Variants in NCAM1 observed in about 807,000 individuals in gnomAD.
The protein encoded by NCAM1 is neural cell adhesion molecule 1, also known as antigen recognized by monoclonal antibody 5.1H11.
Under a neutral mutation model 109.8 loss-of-function variants are expected in NCAM1, and 14 were observed. The ratio of observed to expected loss-of-function variants is 0.13; its 90% CI spans 0.08 to 0.20. NCAM1 has a LOEUF of 0.20. Among genes scored for constraint, NCAM1 ranks in the 10% least tolerant of loss-of-function variants. The pLI, the probability that NCAM1 is intolerant of heterozygous loss-of-function variation, is 1.00. For missense variants in NCAM1, 774 were observed against 1,109.9 expected (o/e 0.70, Z 4.30); for synonymous variants, 418 against 442.9 (o/e 0.94, Z 0.70).
At chr11:113,240,605 G>A (rs1945292310) in intron 14 of NCAM1, 1 of 634,344 alleles carries the variant, frequency 1.6e-6, no homozygotes, top group Non-Finnish European at 2.8e-6. Context: ...TGACGTTAGA[G>A]AGAGCCCTGC....
chr11:113,159,570 A>C (rs2136335969), intron 1 of NCAM1, among the ~76,000 whole-genome samples: 1 of 152,284 alleles, frequency 6.6e-6, no homozygotes, highest in South Asian at 2.1e-4. Flanking sequence ...GAATTAAACT[A>C]TCCTTTCAGA....
rs530674978 is a variant in NCAM1 at position 113,004,501 on chromosome 11, A to AAT, written c.52+42837_52+42838insAT. On this transcript the variant is annotated intron_variant, in intron 1 of 19. Transcript: ENST00000316851. Reference sequence around the variant, plus strand: ...AGCAAGATTTCATCTCAAAAAAAAAATTTTTTTTTTTTGCCAGGATGAGGA... The same window carrying AAT: ...AGCAAGATTTCATCTCAAAAAAAAAAATTTTTTTTTTTTTGCCAGGATGAGGA... 3.0e-4 allele frequency among the ~76,000 whole-genome samples: 44 copies of AAT among 147,128 alleles called. 1 individual carries two copies. Among genetic ancestry groups the AAT allele is most frequent in the African/African-American group, 4.2e-4 (17 of 40,192 alleles).
At chr11:113,144,783 G>C (rs1251809443) in intron 1 of NCAM1, among the ~76,000 whole-genome samples, 1 of 152,196 alleles carries the variant, frequency 6.6e-6, no homozygotes, top group African/African-American at 2.4e-5. Context: ...ATGTGTCAAA[G>C]AGTAGTAAAA....
intron 1 of NCAM1, among the ~76,000 whole-genome samples, chr11:113,070,300 G>C (rs1938201110): frequency 6.6e-6 from 1 of 152,142 alleles, no homozygotes; most frequent in Non-Finnish European, 1.5e-5. Context: ...AGCAAGAAGA[G>C]TGATGTGATA....
chr11:113,044,391 A>G (rs906723502), intron 1 of NCAM1, among the ~76,000 whole-genome samples: 4 of 152,242 alleles, frequency 2.6e-5, no homozygotes, highest in Non-Finnish European at 5.9e-5. Context: ...ATGCTGTAAA[A>G]CATGATTTGT....
intron 1 of NCAM1, among the ~76,000 whole-genome samples, chr11:113,081,534 TATC>T (rs1938818166): frequency 6.7e-6 from 1 of 149,620 alleles, no homozygotes; most frequent in South Asian, 2.1e-4. Context: ...AAATACTTTT[TATC>T]TTTTCTTTTT....
chr11:113,263,446 A>C (rs1946062655), intron 17 of NCAM1: 1 of 986,128 alleles, frequency 1.0e-6, no homozygotes. Context: ...GACCGCACTG[A>C]TTCACATGAG....
chr11:113,224,742 A>G (rs35246759), intron 9 of NCAM1, among the ~76,000 whole-genome samples: 4,245 of 152,310 alleles, frequency 0.028, 86 homozygotes, highest in Non-Finnish European at 0.042. Flanking sequence ...AAATTTCCAG[A>G]GGAACGATCA....
intron 1 of NCAM1, among the ~76,000 whole-genome samples, chr11:113,032,557 G>A (rs561915565): frequency 1.3e-5 from 2 of 152,350 alleles, no homozygotes; most frequent in South Asian, 4.2e-4. Context: ...ACCTGCAAGG[G>A]AGCCTGCAGA....
At chr11:112,968,996 T>C (rs1950802108) in intron 1 of NCAM1, among the ~76,000 whole-genome samples, 1 of 152,134 alleles carries the variant, frequency 6.6e-6, no homozygotes, top group Non-Finnish European at 1.5e-5. Flanking sequence ...GCTTACCACC[T>C]GGAAGGAGGG....
At chr11:113,255,842 A>T (rs781838043) in intron 15 of NCAM1, 35 bp from the exon 16 acceptor site, 5 of 1,608,956 alleles carry the variant, frequency 3.1e-6, no homozygotes, top group South Asian at 1.1e-5. Context: ...CATTCTGTGG[A>T]TGAGAATTTC....
At chr11:113,094,114 G>A (rs782810543) in intron 1 of NCAM1, among the ~76,000 whole-genome samples, 3 of 152,140 alleles carry the variant, frequency 2.0e-5, no homozygotes, top group South Asian at 2.1e-4. Context: ...CAGTTAAGAC[G>A]GCAGCTGCAA....
Position 112,994,641 on chromosome 11 carries a change from T to G in NCAM1, c.52+32977T>G, listed in dbSNP as rs75400993. 3.0e-3 allele frequency among the ~76,000 whole-genome samples: 455 copies of G among 152,286 alleles called. 1 individual carries two copies. Among genetic ancestry groups the G allele is most frequent in the African/African-American group, 0.01 (431 of 41,570 alleles). On this transcript the variant is annotated intron_variant, in intron 1 of 19. Transcript: ENST00000316851. ...CTGTAACTTATTTCTTAGTCCCCAC[T>G]AATTAGTACCCATTGTTGTCAGCCC... is the stretch of plus-strand genomic sequence containing the variant.
chr11:113,121,537 C>CAAAAAAAAAAAAAAAAAAAAA, intron 1 of NCAM1, among the ~76,000 whole-genome samples: 1 of 92,434 alleles, frequency 1.1e-5, no homozygotes, highest in Non-Finnish European at 2.0e-5. Context: ...ACCAATCTTA[C>CAAAAAAAAAAAAAAAAAAAAA]AAAAAAAAAA....
chr11:113,223,268 T>C (rs1944738097), intron 9 of NCAM1, among the ~76,000 whole-genome samples: 1 of 152,178 alleles, frequency 6.6e-6, no homozygotes, highest in Non-Finnish European at 1.5e-5. Context: ...GATAGTCTAA[T>C]GACACTGGAG....
At chr11:113,114,843 A>C (rs1173684910) in intron 1 of NCAM1, among the ~76,000 whole-genome samples, 1 of 152,206 alleles carries the variant, frequency 6.6e-6, no homozygotes, top group Non-Finnish European at 1.5e-5. Flanking sequence ...TGTATTGTAG[A>C]CATGCATCAA....
intron 1 of NCAM1, among the ~76,000 whole-genome samples, chr11:113,121,240 T>TTTTTTTTA (rs1940943301): frequency 6.7e-6 from 1 of 149,710 alleles, no homozygotes. Context: ...TTTTTTTTTT[T>TTTTTTTTA]GAGACAGTCT....
chr11:113,262,229 G>A (rs1555123513), intron 17 of NCAM1, among the ~76,000 whole-genome samples: 2 of 152,342 alleles, frequency 1.3e-5, no homozygotes, highest in South Asian at 2.1e-4. Flanking sequence ...GCACTGTGGT[G>A]TGGGACTTGT....
intron 1 of NCAM1, among the ~76,000 whole-genome samples, chr11:113,107,067 TAAGAATAGGATTACATCTTGAA>T (rs1361308318): frequency 6.6e-6 from 1 of 152,224 alleles, no homozygotes; most frequent in East Asian, 1.9e-4. Context: ...AGATGAGGAT[TAAGAATAGGATTACATCTTGAA>T]AAGAGACTGG....
Sources: gnomAD v4.1 joint callset for allele counts (sites outside exome capture counted in the v4.1 genomes callset) on GRCh38, gnomAD v4.1.1 for gene constraint, MANE v1.5 for transcripts, NCBI Gene and HGNC (gene_info 2026-07-23, HGNC 2026-07-21) for gene names.